The following VCAN variants were observed in gnomAD, a reference collection of about 807,000 sequenced individuals.
VCAN encodes versican core protein.
A neutral mutation model predicts 245.5 loss-of-function variants in VCAN; 44 were observed. The observed-to-expected ratio is 0.18, with a 90% confidence interval of 0.14 to 0.23. The LOEUF is 0.23. VCAN is among the 10% of genes least tolerant of loss of function. The pLI, the probability that VCAN is intolerant of heterozygous loss-of-function variation, is 1.00. For missense variants in VCAN, 3,793 were observed against 4,057.9 expected (o/e 0.93, Z 1.77); for synonymous variants, 1,413 against 1,437.0 (o/e 0.98, Z 0.38).
At chr5:83,525,039 A>G (rs538990989) in intron 7 of VCAN, among the ~76,000 whole-genome samples, 1 of 145,618 alleles carries the variant, frequency 6.9e-6, no homozygotes, top group South Asian at 2.2e-4. Context: ...CGAGTCATAT[A>G]AATCTTGTTT....
chr5:83,567,754 C>T (rs1309517044), intron 12 of VCAN, among the ~76,000 whole-genome samples: 2 of 152,172 alleles, frequency 1.3e-5, no homozygotes, highest in African/African-American at 4.8e-5. Context: ...ACTTGAGTCC[C>T]TGAGGCACAG....
At chr5:83,547,400 C>T (rs1040925150) in intron 9 of VCAN, among the ~76,000 whole-genome samples, 5 of 152,096 alleles carry the variant, frequency 3.3e-5, no homozygotes, top group African/African-American at 9.7e-5. Context: ...AGGGAGCTCA[C>T]GTTGAAGACT....
At chr5:83,574,373 C>A (rs900516432) in intron 13 of VCAN, among the ~76,000 whole-genome samples, 10 of 152,134 alleles carry the variant, frequency 6.6e-5, no homozygotes, top group African/African-American at 2.2e-4. Context: ...ACTTGGCACC[C>A]ATATGCATGT....
chr5:83,493,819 T>C lies in VCAN; in HGVS notation c.636T>C (p.Ala212=). Residue 212 remains alanine (A), a synonymous_variant, in exon 5 of 15, where the codon GCT becomes GCC. Transcript: ENST00000265077. ...ATTTCCCCAGATATCCCATCCGGGC[T>C]CCCAGAGTAGGCTGTTATGGAGATA... ...ADQTVRYPIR[A]PRVGCYGDKM... The C allele has an allele frequency of 6.2e-7, 1 of 1,614,100 alleles. No homozygotes were observed. The highest frequency in any genetic ancestry group is 1.1e-5 in the South Asian group (1 of 91,068).
Position 83,483,718 on chromosome 5 carries a change from A to G in VCAN, c.70+130A>G, listed in dbSNP as rs534523139. 4.6e-6 allele frequency: 4 copies of G among 863,254 alleles called. 1 individual carries two copies. The highest frequency in any genetic ancestry group is 2.6e-5 in the East Asian group (1 of 37,754). 53.5% of individuals were successfully genotyped at this position (863,254 alleles called of 1,614,324 possible). On this transcript the variant is annotated intron_variant, in intron 2 of 14. Transcript: ENST00000265077. ...AATCTATTAAGTGCTGAAAACTATCAGTTAAAATATTATTGGACCAAAAAC... is the reference window on the plus strand; with the variant it reads ...AATCTATTAAGTGCTGAAAACTATCGGTTAAAATATTATTGGACCAAAAAC...
At chr5:83,533,374 G>A (rs1404578706) in intron 7 of VCAN, among the ~76,000 whole-genome samples, 2 of 152,086 alleles carry the variant, frequency 1.3e-5, no homozygotes, top group East Asian at 3.8e-4. Context: ...GTTTAGTAAG[G>A]CCAGTTCTCT....
chr5:83,472,606 C>G (rs1057064930), intron 1 of VCAN, among the ~76,000 whole-genome samples: 2 of 152,092 alleles, frequency 1.3e-5, no homozygotes, highest in Admixed American at 6.5e-5. Context: ...CTTGCGCGGA[C>G]CTGACCCCTT....
intron 5 of VCAN, among the ~76,000 whole-genome samples, chr5:83,494,936 C>T (rs1005675322): frequency 7.2e-5 from 11 of 152,026 alleles, no homozygotes; most frequent in African/African-American, 1.9e-4. Context: ...GAGGAGATTG[C>T]GCCACAGCAC....
chr5:83,484,956 G>A (rs940719391), intron 2 of VCAN, among the ~76,000 whole-genome samples: 1 of 152,156 alleles, frequency 6.6e-6, no homozygotes. Context: ...TAGTTGGAGA[G>A]CAGTGATCAA....
intron 5 of VCAN, among the ~76,000 whole-genome samples, chr5:83,502,895 A>G (rs987267998): frequency 2.6e-5 from 4 of 152,174 alleles, no homozygotes; most frequent in African/African-American, 9.6e-5. Context: ...TTCTAGTCTC[A>G]TTATTCCCAA....
intron 7 of VCAN, among the ~76,000 whole-genome samples, chr5:83,527,592 A>G (rs988521418): frequency 3.9e-5 from 6 of 152,216 alleles, no homozygotes; most frequent in Non-Finnish European, 8.8e-5. Context: ...TTAACACTGT[A>G]CTATAGACCA....
Position 83,521,498 on chromosome 5 carries a change from T to A in VCAN, c.3192T>A (p.Asp1064Glu), listed in dbSNP as rs777700707. The change falls in exon 7 of 15, where the codon GAT becomes GAA. Residue 1064 changes from aspartate to glutamate, a missense_variant. By Grantham distance (45) the Asp-to-Glu change is conservative (BLOSUM62 2). Coordinates refer to ENST00000265077, the MANE Select transcript of VCAN (RefSeq NM_004385.5). ...CCAAGGAGGCAGTAACACCACTGGATGAACAAGAGGGCGATGGATCAGCAT... is the reference window on the plus strand; with the variant it reads ...CCAAGGAGGCAGTAACACCACTGGAAGAACAAGAGGGCGATGGATCAGCAT... Reference protein sequence around the residue: ...WTPKEAVTPLDEQEGDGSAYT... With the variant: ...WTPKEAVTPLEEQEGDGSAYT... 17 of 1,614,086 alleles carry A rather than the reference T, an allele frequency of 1.1e-5. No homozygotes were observed. The South Asian group carries it at 1.6e-4, about 16-fold the overall frequency.
chr5:83,521,526 A>C lies in VCAN; in HGVS notation c.3220A>C (p.Thr1074Pro), dbSNP rs1746099337. The C allele has an allele frequency of 6.2e-7, 1 of 1,614,066 alleles. No homozygotes were observed. Among genetic ancestry groups the C allele is most frequent in the South Asian group, 1.1e-5 (1 of 91,092 alleles). ...DEQEGDGSAY[T>P]VSEDELLTGS... is the part of the protein sequence containing the mutation. ...ACAAGAGGGCGATGGATCAGCATAT[A>C]CAGTCTCTGAAGATGAATTGTTGAC... The change falls in exon 7 of 15, where the codon ACA becomes CCA. Residue 1074 changes from threonine to proline, a missense_variant. Physicochemically the swap from Thr to Pro is conservative, Grantham distance 38. This residue lies in a region of VCAN where 3,182 missense variants were observed against 3,250.3 expected (regional missense o/e 0.98). Coordinates refer to ENST00000265077, the MANE Select transcript of VCAN (RefSeq NM_004385.5).
chr5:83,552,183 G>C (rs889700162), intron 10 of VCAN, among the ~76,000 whole-genome samples: 4 of 152,192 alleles, frequency 2.6e-5, no homozygotes, highest in African/African-American at 4.8e-5. Context: ...GTTATAGAAA[G>C]AGGAGTAACA....
chr5:83,526,688 A>G (rs561269762), intron 7 of VCAN, among the ~76,000 whole-genome samples: 258 of 152,338 alleles, frequency 1.7e-3, no homozygotes, highest in African/African-American at 5.9e-3. Context: ...AATGATACAC[A>G]TTTAACATTT....
At chr5:83,572,708 C>A in intron 13 of VCAN, 148 bp downstream of exon 13, 1 of 1,099,552 alleles carries the variant, frequency 9.1e-7, no homozygotes, top group Non-Finnish European at 1.3e-6. Context: ...ATATTTCACT[C>A]TTCCAAAACA....
rs781063399 is a variant in VCAN, at chr5:83,538,182, G to A, written c.5179G>A (p.Glu1727Lys). The A allele has an allele frequency of 1.9e-6, 3 of 1,613,910 alleles. No homozygotes were observed. Residue 1727 changes from glutamate (E) to lysine (K), a missense_variant, in exon 8 of 15, where the codon GAG (glutamate) becomes AAG (lysine). By Grantham distance (56) the Glu-to-Lys change is moderately conservative (BLOSUM62 1). Around this residue, in one of 5 missense-constraint regions of VCAN, gnomAD observed 3,182 missense variants for 3,250.3 expected, o/e 0.98. Coordinates refer to ENST00000265077, the MANE Select transcript of VCAN (RefSeq NM_004385.5). ...CACTGTTGAGGAAAAGAAAAGGAAG[G>A]AGGAGGAGGGAACTACAGGTACGGC... ...STTVEEKKRK[E>K]EEGTTGTAST...
intron 5 of VCAN, among the ~76,000 whole-genome samples, chr5:83,503,212 G>T (rs549845779): frequency 4.6e-4 from 70 of 151,794 alleles, no homozygotes; most frequent in African/African-American, 1.6e-3. Context: ...ACAAAAAAAC[G>T]ATGGAGAGAG....
At chr5:83,556,287 A>G (rs1231266674) in intron 12 of VCAN, among the ~76,000 whole-genome samples, 3 of 152,210 alleles carry the variant, frequency 2.0e-5, no homozygotes, top group Admixed American at 1.3e-4. Flanking sequence ...TGATGAAGCC[A>G]GAATTTGAAC....
Sources: allele counts gnomAD v4.1 joint callset (sites outside exome capture counted in the v4.1 genomes callset), GRCh38; gene constraint gnomAD v4.1.1; regional missense constraint gnomAD v4.1.1; transcripts MANE v1.5; gene names NCBI Gene and HGNC (gene_info 2026-07-23, HGNC 2026-07-21).